The following MPPED2 variants were observed in gnomAD, a reference collection of about 807,000 sequenced individuals.
The protein encoded by MPPED2 is metallophosphoesterase domain containing 2, also known as metallophosphoesterase MPPED2.
MPPED2 carries 5 observed loss-of-function variants against 33.0 expected under a neutral mutation model. The observed-to-expected ratio is 0.15, with a 90% CI of 0.08 to 0.32. The LOEUF is 0.32. Among genes scored for constraint, MPPED2 ranks in the 10% least tolerant of loss-of-function variants. The pLI is 1.00. For synonymous variants in MPPED2, 136 were observed against 141.9 expected, an observed-to-expected ratio of 0.96 and a Z score of 0.29; for missense variants, 275 against 372.1, an observed-to-expected ratio of 0.74 and a Z score of 2.15.
At chr11:30,417,776 T>G in intron 4 of MPPED2, 143 bp from the exon 5 acceptor site, 1 of 603,996 alleles carries the variant, frequency 1.7e-6, no homozygotes, top group South Asian at 2.0e-5. Context: ...AGGATGCTTT[T>G]TTGTTGACTG....
chr11:30,585,879 C>T (rs954838987), intron 1 of MPPED2, among the ~76,000 whole-genome samples, 163 bp downstream of exon 1: 3 of 152,232 alleles, frequency 2.0e-5, no homozygotes, highest in Non-Finnish European at 4.4e-5. Context: ...CAGCCCGGGT[C>T]CGCAGCCTCC....
At chr11:30,440,589 A>G (rs938154571) in intron 4 of MPPED2, among the ~76,000 whole-genome samples, 5 of 152,226 alleles carry the variant, frequency 3.3e-5, no homozygotes, top group Non-Finnish European at 7.3e-5. Flanking sequence ...TTACAGAGAA[A>G]AGAGAAGCTC....
chr11:30,526,400 A>G, intron 3 of MPPED2, among the ~76,000 whole-genome samples: 1 of 152,188 alleles, frequency 6.6e-6, no homozygotes, highest in East Asian at 1.9e-4. Flanking sequence ...CTTTCAATAA[A>G]TCATAACTCT....
At chr11:30,426,550 AG>A (rs1948846620) in intron 4 of MPPED2, among the ~76,000 whole-genome samples, 1 of 152,192 alleles carries the variant, frequency 6.6e-6, no homozygotes, top group Admixed American at 6.5e-5. Context: ...GGTACCTCCC[AG>A]GGTATACACT....
chr11:30,539,528 T>C (rs1192690053), intron 2 of MPPED2, among the ~76,000 whole-genome samples: 2 of 152,192 alleles, frequency 1.3e-5, no homozygotes, highest in African/African-American at 2.4e-5. Context: ...GGCATCTCGT[T>C]CAATGTTTTA....
At chr11:30,568,538 T>A (rs1361618277) in intron 2 of MPPED2, among the ~76,000 whole-genome samples, 1 of 152,134 alleles carries the variant, frequency 6.6e-6, no homozygotes, top group African/African-American at 2.4e-5. Context: ...TAAAATCCAC[T>A]AATGACTAGA....
chr11:30,544,173 G>A (rs765590420), intron 2 of MPPED2, among the ~76,000 whole-genome samples: 2 of 152,122 alleles, frequency 1.3e-5, no homozygotes, highest in Non-Finnish European at 2.9e-5. Flanking sequence ...ATGTGCATCA[G>A]GCTAACTACC....
Position 30,438,577 on chromosome 11 carries a change from A to G in MPPED2, c.537-20944T>C, listed in dbSNP as rs147106002. 7.5e-4 allele frequency among the ~76,000 whole-genome samples: 114 copies of G among 152,310 alleles called. 1 individual carries two copies. The highest frequency in any genetic ancestry group is 2.4e-3 in the African/African-American group (99 of 41,582). ...ATCATGGTAAAAAATAGGCGGGGCCAGGGGGCAGAAGACCTGCTATTATTT... is the reference window on the plus strand; with the variant it reads ...ATCATGGTAAAAAATAGGCGGGGCCGGGGGGCAGAAGACCTGCTATTATTT... On this transcript the variant is annotated intron_variant, in intron 4 of 6. Coordinates refer to ENST00000358117, the MANE Select transcript of MPPED2 (RefSeq NM_001584.3).
chr11:30,492,915 CA>C (rs1952047907), intron 4 of MPPED2, among the ~76,000 whole-genome samples: 1 of 152,106 alleles, frequency 6.6e-6, no homozygotes, highest in Non-Finnish European at 1.5e-5. Context: ...AAATGAGAAT[CA>C]TAATAGTGCC....
chr11:30,551,989 TG>T (rs1955735836), intron 2 of MPPED2, among the ~76,000 whole-genome samples: 1 of 152,216 alleles, frequency 6.6e-6, no homozygotes, highest in South Asian at 2.1e-4. Flanking sequence ...TTCACTAGGT[TG>T]AAAAAACCTG....
chr11:30,436,366 T>C (rs753830965), intron 4 of MPPED2, among the ~76,000 whole-genome samples: 4 of 152,150 alleles, frequency 2.6e-5, no homozygotes, highest in Non-Finnish European at 5.9e-5. Flanking sequence ...GGCTATAGGA[T>C]GGAGCCAAAG....
chr11:30,527,562 G>A (rs1281678067), intron 3 of MPPED2, among the ~76,000 whole-genome samples: 4 of 151,966 alleles, frequency 2.6e-5, no homozygotes, highest in Non-Finnish European at 5.9e-5. Flanking sequence ...AAGAGGGAAA[G>A]GGAAAGGAGA....
intron 4 of MPPED2, among the ~76,000 whole-genome samples, chr11:30,442,202 G>T (rs1565071776): frequency 6.6e-6 from 1 of 152,202 alleles, no homozygotes; most frequent in African/African-American, 2.4e-5. Flanking sequence ...TCCGGAAGGA[G>T]AAAAAGATAG....
At chr11:30,465,292 G>GA (rs1950661221) in intron 4 of MPPED2, among the ~76,000 whole-genome samples, 2 of 151,940 alleles carry the variant, frequency 1.3e-5, no homozygotes, top group Non-Finnish European at 2.9e-5. Flanking sequence ...GTTTTTGTGT[G>GA]TTTTTTTTCT....
chr11:30,567,308 C>T (rs1956488396), intron 2 of MPPED2, among the ~76,000 whole-genome samples: 1 of 152,084 alleles, frequency 6.6e-6, no homozygotes, highest in African/African-American at 2.4e-5. Context: ...TGAGGCTTAC[C>T]CAGAGGCCAG....
chr11:30,496,441 C>T (rs1952257726), intron 3 of MPPED2, among the ~76,000 whole-genome samples: 1 of 152,128 alleles, frequency 6.6e-6, no homozygotes, highest in African/African-American at 2.4e-5. Context: ...CTGTCACTAC[C>T]CATCCCTCAA....
intron 6 of MPPED2, among the ~76,000 whole-genome samples, chr11:30,412,706 G>A (rs2133738610): frequency 6.6e-6 from 1 of 152,206 alleles, no homozygotes; most frequent in South Asian, 2.1e-4. Flanking sequence ...CCCTCTTCCT[G>A]CCCTCTTCAG....
chr11:30,571,091 A>G (rs1049513466), intron 2 of MPPED2, among the ~76,000 whole-genome samples: 2 of 152,066 alleles, frequency 1.3e-5, no homozygotes, highest in Admixed American at 6.6e-5. Flanking sequence ...TTAAAGCTCA[A>G]TACTATCAAA....
intron 4 of MPPED2, among the ~76,000 whole-genome samples, chr11:30,466,509 G>A (rs943441528): frequency 2.0e-5 from 3 of 152,182 alleles, no homozygotes; most frequent in Admixed American, 6.5e-5. Flanking sequence ...ATTGAGGAAA[G>A]GGCCCTTCAG....
Sources: gnomAD v4.1 joint callset for allele counts (sites outside exome capture counted in the v4.1 genomes callset) on GRCh38, gnomAD v4.1.1 for gene constraint, MANE v1.5 for transcripts, NCBI Gene and HGNC (gene_info 2026-07-23, HGNC 2026-07-21) for gene names.